The following DLGAP2 variants were observed in gnomAD, a reference collection of about 807,000 sequenced individuals.
The protein encoded by DLGAP2 is disks large-associated protein 2.
Under a neutral mutation model 100.3 loss-of-function variants are expected in DLGAP2, and 26 were observed. The ratio of observed to expected loss-of-function variants is 0.26; its 90% CI spans 0.19 to 0.36. DLGAP2 has a LOEUF of 0.36. Ranked by LOEUF, DLGAP2 falls within the 10% of genes least tolerant of loss-of-function variation. The pLI is 1.00. For missense variants in DLGAP2, 1,858 were observed against 1,453.2 expected (o/e 1.28, Z -4.53); for synonymous variants, 886 against 630.1 (o/e 1.41, Z -6.08).
chr8:1,698,138 A>C (rs1799451332), intron 14 of DLGAP2, among the ~76,000 whole-genome samples: 2 of 152,214 alleles, frequency 1.3e-5, no homozygotes, highest in Admixed American at 1.3e-4. Flanking sequence ...CTCCTCCCAG[A>C]AGGTGCCCTG....
intron 2 of DLGAP2, among the ~76,000 whole-genome samples, chr8:1,164,249 GC>G (rs369295349): frequency 0.094 from 1,999 of 21,250 alleles, 48 homozygotes; most frequent in Non-Finnish European, 0.12. Flanking sequence ...TTTTCTGTGA[GC>G]CCCCCCAGGG....
chr8:1,183,181 T>C (rs1585129897), intron 2 of DLGAP2, among the ~76,000 whole-genome samples: 3 of 151,842 alleles, frequency 2.0e-5, no homozygotes, highest in African/African-American at 7.2e-5. Context: ...AGCCAGGATC[T>C]AGGATGGAGC....
At chr8:1,251,092 C>A (rs185569660) in intron 2 of DLGAP2, among the ~76,000 whole-genome samples, 2 of 152,278 alleles carry the variant, frequency 1.3e-5, no homozygotes, top group East Asian at 3.9e-4. Context: ...CCCATGTTCA[C>A]GAGAACGTTA....
intron 2 of DLGAP2, among the ~76,000 whole-genome samples, chr8:1,013,665 T>C (rs1477002194): frequency 9.3e-6 from 1 of 107,572 alleles, no homozygotes; most frequent in Non-Finnish European, 1.7e-5. Flanking sequence ...GACAGACGCC[T>C]CCACTGTGTG....
chr8:1,328,173 G>C (rs186440909), intron 3 of DLGAP2, among the ~76,000 whole-genome samples: 1 of 152,044 alleles, frequency 6.6e-6, no homozygotes, highest in East Asian at 1.9e-4. Context: ...CCAAGTAGCC[G>C]GGACTACAGG....
intron 3 of DLGAP2, among the ~76,000 whole-genome samples, chr8:1,412,259 A>G (rs1342697071): frequency 6.6e-6 from 1 of 152,144 alleles, no homozygotes; most frequent in Admixed American, 6.5e-5. Context: ...TCTGAGCGCT[A>G]GACTCTGCAG....
chr8:1,416,316 C>T (rs537140377), intron 3 of DLGAP2, among the ~76,000 whole-genome samples: 2 of 152,310 alleles, frequency 1.3e-5, no homozygotes, highest in South Asian at 2.1e-4. Flanking sequence ...ACCAGCTTCC[C>T]GTGGTCAGCC....
At chr8:808,318 T>G (rs1358964011) in intron 1 of DLGAP2, among the ~76,000 whole-genome samples, 1 of 151,604 alleles carries the variant, frequency 6.6e-6, no homozygotes, top group African/African-American at 2.4e-5. Flanking sequence ...GCCAGGAGAG[T>G]GATGGTGCAT....
intron 2 of DLGAP2, among the ~76,000 whole-genome samples, chr8:1,095,513 C>T (rs967068397): frequency 6.6e-6 from 1 of 152,164 alleles, no homozygotes; most frequent in African/African-American, 2.4e-5. Flanking sequence ...TCCTGGTGAC[C>T]TTTCTGAGCC....
At chr8:1,268,008 G>A (rs527632191) in intron 3 of DLGAP2, among the ~76,000 whole-genome samples, 4 of 152,218 alleles carry the variant, frequency 2.6e-5, no homozygotes, top group Non-Finnish European at 5.9e-5. Context: ...AATATGATAA[G>A]ATAGAGTGAA....
At chr8:837,089 G>A (rs1401012109) in intron 1 of DLGAP2, among the ~76,000 whole-genome samples, 2 of 152,232 alleles carry the variant, frequency 1.3e-5, no homozygotes, top group East Asian at 1.9e-4. Flanking sequence ...TCCTGGTCAG[G>A]GTTAGGGCGC....
At chr8:1,371,597 G>A (rs1187904507) in intron 3 of DLGAP2, among the ~76,000 whole-genome samples, 1 of 152,204 alleles carries the variant, frequency 6.6e-6, no homozygotes, top group Non-Finnish European at 1.5e-5. Flanking sequence ...GGAAAAGAAG[G>A]AATTTGAAGA....
chr8:1,594,312 A>G lies in DLGAP2; in HGVS notation c.1442+28418A>G, dbSNP rs796473835. The stretch of plus-strand genomic sequence containing the variant: ...TGATTTATTCGACAGAGAATTCAAA[A>G]CAAGGGATATGAAGATGCCCCCTAA... On this transcript the variant is annotated intron_variant, in intron 6 of 14. Coordinates refer to ENST00000637795, the MANE Select transcript of DLGAP2 (RefSeq NM_001346810.2). 4.9e-4 allele frequency among the ~76,000 whole-genome samples: 74 copies of G among 152,316 alleles called. 1 individual carries two copies. Among genetic ancestry groups the G allele is most frequent in the African/African-American group, 1.7e-3 (70 of 41,572 alleles).
intron 2 of DLGAP2, among the ~76,000 whole-genome samples, chr8:1,010,339 A>G (rs187326033): frequency 1.3e-5 from 2 of 152,194 alleles, no homozygotes; most frequent in East Asian, 1.9e-4. Context: ...GTGCCCACAT[A>G]TGCACACACA....
At chr8:944,548 C>G (rs746095453) in intron 2 of DLGAP2, among the ~76,000 whole-genome samples, 8 of 151,296 alleles carry the variant, frequency 5.3e-5, no homozygotes, top group Non-Finnish European at 1.0e-4. Context: ...GCAGTCGATC[C>G]CTGTGGCTGA....
intron 8 of DLGAP2, among the ~76,000 whole-genome samples, chr8:1,652,301 A>C (rs9644314): frequency 6.6e-6 from 1 of 151,904 alleles, no homozygotes; most frequent in African/African-American, 2.4e-5. Context: ...TTAGTAATCC[A>C]TTCCATTCAT....
At chr8:771,591 C>G (rs1373049082) in intron 1 of DLGAP2, among the ~76,000 whole-genome samples, 1 of 152,230 alleles carries the variant, frequency 6.6e-6, no homozygotes, top group Non-Finnish European at 1.5e-5. Context: ...GCTGTCTGTA[C>G]TAGTCCAACC....
intron 1 of DLGAP2, chr8:822,257 G>C (rs1796597057): frequency 5.0e-6 from 2 of 399,432 alleles, no homozygotes; most frequent in Non-Finnish European, 8.8e-6. Context: ...CCCAGCATTT[G>C]CTTACTTCCT....
intron 3 of DLGAP2, among the ~76,000 whole-genome samples, chr8:1,288,484 G>C (rs1799988863): frequency 2.7e-5 from 1 of 37,578 alleles, no homozygotes; most frequent in Non-Finnish European, 4.9e-5. Context: ...TTTCAGTTCA[G>C]TGTGTGTGTG....
Sources: allele counts gnomAD v4.1 joint callset (sites outside exome capture counted in the v4.1 genomes callset), GRCh38; gene constraint gnomAD v4.1.1; transcripts MANE v1.5; gene names NCBI Gene and HGNC (gene_info 2026-07-23, HGNC 2026-07-21).